GPC5: variants seen among roughly 807,000 people sequenced by gnomAD.
GPC5 encodes glypican 5, also known as glypican-5.
In GPC5, 47 loss-of-function variants were observed where a neutral mutation model predicts 53.9. The ratio of observed to expected loss-of-function variants is 0.87; its 90% CI spans 0.69 to 1.11. The LOEUF (loss-of-function observed/expected upper bound fraction) is 1.11, where lower values mean the gene tolerates loss of function less well. Ranked by LOEUF, GPC5 falls within the 50% of genes most tolerant of loss-of-function variation. The pLI, the probability that GPC5 is intolerant of heterozygous loss-of-function variation, is 0.00. For missense variants in GPC5, 748 were observed against 713.1 expected, an observed-to-expected ratio of 1.05 and a Z score of -0.56; for synonymous variants, 286 against 263.3, an observed-to-expected ratio of 1.09 and a Z score of -0.84.
intron 6 of GPC5, among the ~76,000 whole-genome samples, chr13:91,962,112 T>C (rs2040131786): frequency 6.6e-6 from 1 of 152,144 alleles, no homozygotes; most frequent in Non-Finnish European, 1.5e-5. Flanking sequence ...GATTAAGAAG[T>C]GTTTATTAAA....
intron 5 of GPC5, among the ~76,000 whole-genome samples, chr13:91,816,273 A>T (rs2038398543): frequency 6.6e-6 from 1 of 152,168 alleles, no homozygotes; most frequent in African/African-American, 2.4e-5. Flanking sequence ...TCTACCTGTG[A>T]TACTCAAGGT....
chr13:91,494,453 A>G (rs1884138057), intron 2 of GPC5, among the ~76,000 whole-genome samples: 1 of 152,012 alleles, frequency 6.6e-6, no homozygotes. Flanking sequence ...TCTAGAATGT[A>G]CTTTCTCCAG....
At chr13:91,519,487 T>C (rs1885687282) in intron 2 of GPC5, among the ~76,000 whole-genome samples, 1 of 152,116 alleles carries the variant, frequency 6.6e-6, no homozygotes, top group Non-Finnish European at 1.5e-5. Context: ...TCTCTTGAGA[T>C]CCGGTTGTTT....
At chr13:92,674,204 T>G (rs1886852658) in intron 7 of GPC5, among the ~76,000 whole-genome samples, 1 of 152,182 alleles carries the variant, frequency 6.6e-6, no homozygotes, top group Non-Finnish European at 1.5e-5. Flanking sequence ...ACATTCAAGC[T>G]TTGACACGTT....
intron 7 of GPC5, among the ~76,000 whole-genome samples, chr13:92,511,174 A>G (rs1313399236): frequency 6.6e-6 from 1 of 151,864 alleles, no homozygotes; most frequent in African/African-American, 2.4e-5. Context: ...TTCTTAATGT[A>G]TTTTTTCTAT....
At position 92,385,438 on chromosome 13, in the gene GPC5, A is replaced by G; in HGVS notation, c.1561+240449A>G. On this transcript the variant is annotated intron_variant, in intron 7 of 7. Transcript: ENST00000377067. The stretch of plus-strand genomic sequence containing the variant: ...TATATATACATATATACATATATAC[A>G]TATATACATATATACATATATACAC... 5.2e-5 allele frequency among the ~76,000 whole-genome samples: 2 copies of G among 38,676 alleles called. 1 individual carries two copies. The highest frequency in any genetic ancestry group is 1.8e-4 in the African/African-American group (2 of 11,396). 25.4% of individuals were successfully genotyped at this position (38,676 alleles called of 152,430 possible).
At chr13:92,156,025 G>A (rs1021359994) in intron 7 of GPC5, among the ~76,000 whole-genome samples, 4 of 152,018 alleles carry the variant, frequency 2.6e-5, no homozygotes, top group African/African-American at 9.7e-5. Flanking sequence ...TTCATTTTTA[G>A]AATAAAGCTT....
intron 7 of GPC5, among the ~76,000 whole-genome samples, chr13:92,157,329 T>C (rs759553479): frequency 1.2e-4 from 18 of 152,312 alleles, no homozygotes; most frequent in Non-Finnish European, 2.1e-4. Flanking sequence ...GATAGTTTTA[T>C]GCACCTGGGA....
intron 2 of GPC5, among the ~76,000 whole-genome samples, chr13:91,532,978 T>G (rs1886419639): frequency 6.6e-6 from 1 of 152,214 alleles, no homozygotes; most frequent in East Asian, 1.9e-4. Flanking sequence ...ATTCAGTTCT[T>G]ATTGGTAAAT....
chr13:91,945,281 T>A (rs1372136902), intron 6 of GPC5, among the ~76,000 whole-genome samples: 1 of 152,172 alleles, frequency 6.6e-6, no homozygotes, highest in Non-Finnish European at 1.5e-5. Context: ...ACAATTTAGT[T>A]TTTTTGTTCT....
intron 5 of GPC5, among the ~76,000 whole-genome samples, chr13:91,905,155 C>T (rs527906951): frequency 1.3e-5 from 2 of 152,056 alleles, no homozygotes; most frequent in African/African-American, 4.8e-5. Context: ...TTTATTTATT[C>T]ATATTATTCA....
At chr13:91,812,744 A>G (rs2038333368) in intron 5 of GPC5, among the ~76,000 whole-genome samples, 1 of 152,226 alleles carries the variant, frequency 6.6e-6, no homozygotes, top group African/African-American at 2.4e-5. Flanking sequence ...CAGAGAAAGA[A>G]GGTAGCTTTC....
chr13:91,775,292 G>C (rs1400196926), intron 5 of GPC5, among the ~76,000 whole-genome samples: 1 of 152,116 alleles, frequency 6.6e-6, no homozygotes, highest in Non-Finnish European at 1.5e-5. Context: ...GATAATTGCA[G>C]TTGTATTACT....
At chr13:92,844,793 T>A (rs1878556926) in intron 7 of GPC5, among the ~76,000 whole-genome samples, 1 of 152,142 alleles carries the variant, frequency 6.6e-6, no homozygotes, top group African/African-American at 2.4e-5. Context: ...CCTGGAACAA[T>A]ACAGGAAGCC....
chr13:92,699,892 A>T (rs1438640678), intron 7 of GPC5, among the ~76,000 whole-genome samples: 2 of 152,148 alleles, frequency 1.3e-5, no homozygotes, highest in Non-Finnish European at 2.9e-5. Context: ...TGCTGAGAAG[A>T]ATGTATATTC....
At chr13:92,411,159 A>G (rs1876025492) in intron 7 of GPC5, among the ~76,000 whole-genome samples, 1 of 152,132 alleles carries the variant, frequency 6.6e-6, no homozygotes, top group African/African-American at 2.4e-5. Flanking sequence ...AGTCTCAGCT[A>G]CTCGGGAGGC....
In GPC5 at chr13:92,078,252, C is replaced by T. The variant is rs540110116; in HGVS notation, c.1402-66578C>T. Reference sequence around the variant, plus strand: ...AGAGATTCAGGACAAAGACATTTCACGTCATTTTACAGTGAGTCTCAAAAA... The same window carrying T: ...AGAGATTCAGGACAAAGACATTTCATGTCATTTTACAGTGAGTCTCAAAAA... On this transcript the variant is annotated intron_variant, in intron 6 of 7. Coordinates refer to ENST00000377067, the MANE Select transcript of GPC5 (RefSeq NM_004466.6). 1.1e-4 allele frequency among the ~76,000 whole-genome samples: 16 copies of T among 152,298 alleles called. No homozygotes were observed. The South Asian group carries it at 1.5e-3, about 14-fold the overall frequency.
chr13:91,978,176 A>G (rs941333164), intron 6 of GPC5, among the ~76,000 whole-genome samples: 2 of 152,174 alleles, frequency 1.3e-5, no homozygotes, highest in African/African-American at 4.8e-5. Flanking sequence ...TTAAATTTGT[A>G]TTCTCAGGCC....
At chr13:91,755,385 C>T (rs1202347026) in intron 4 of GPC5, among the ~76,000 whole-genome samples, 1 of 152,044 alleles carries the variant, frequency 6.6e-6, no homozygotes, top group Non-Finnish European at 1.5e-5. Flanking sequence ...TCTTCTGCCC[C>T]TTCCTTCTGG....
Sources: gnomAD v4.1 joint callset for allele counts (sites outside exome capture counted in the v4.1 genomes callset) on GRCh38, gnomAD v4.1.1 for gene constraint, MANE v1.5 for transcripts, NCBI Gene and HGNC (gene_info 2026-07-23, HGNC 2026-07-21) for gene names.